RP1: variants seen among roughly 807,000 people sequenced by gnomAD.
RP1 encodes the protein oxygen-regulated protein 1.
A neutral mutation model predicts 14.8 loss-of-function variants in RP1; 16 were observed. The observed-to-expected ratio is 1.08, with a 90% CI of 0.73 to 1.65. The LOEUF is 1.65. Among genes scored for constraint, RP1 ranks in the 40% most tolerant of loss-of-function variants. The pLI is 0.00. For synonymous variants in RP1, 876 were observed against 883.6 expected (o/e 0.99, Z 0.15); for missense variants, 2,631 against 2,535.0 (o/e 1.04, Z -0.81).
chr8:54,828,371 T>C (rs7008534), intron 24 of RP1, among the ~76,000 whole-genome samples: 46,384 of 151,880 alleles, frequency 0.31, 7,263 homozygotes, highest in South Asian at 0.37. Context: ...TGGCTTTGTG[T>C]CGTTCTCTCA....
rs572252234 is a variant in RP1 at position 54,713,314 on chromosome 8, C to T, written c.2211+6659C>T. 2.6e-5 allele frequency among the ~76,000 whole-genome samples: 4 copies of T among 151,858 alleles called. No individual in the cohort carries two copies. In the South Asian group the frequency reaches 6.3e-4, roughly 24 times the overall value. ...TTCAGGTTAGTAACAAACAGCAGGC[C>T]GTTCATAGGGACATTTGTAAGGGTG... On this transcript the variant is annotated intron_variant, in intron 15 of 22. Transcript: ENST00000636932.
chr8:54,612,214 CT>C (rs1805615236), upstream of RP1, among the ~76,000 whole-genome samples: 4 of 152,196 alleles, frequency 2.6e-5, no homozygotes. Flanking sequence ...CAATGCCTAC[CT>C]CTGTATGCAC....
rs60688376 is a variant in RP1 at position 54,717,125 on chromosome 8, C to T, written c.2212-3004C>T. 5.3e-3 allele frequency among the ~76,000 whole-genome samples: 811 copies of T among 152,146 alleles called. 3 individuals carry two copies. The highest frequency in any genetic ancestry group is 0.019 in the African/African-American group (774 of 41,490). On this transcript the variant is annotated intron_variant, in intron 15 of 22. Transcript: ENST00000636932. ...TCATCATTTAAACTCTCAGGTGTCC[C>T]GTCCTCCAGGTTCTAGGAATATTTT...
intron 1 of RP1, among the ~76,000 whole-genome samples, chr8:54,575,945 C>T (rs1804631144): frequency 6.6e-6 from 1 of 152,048 alleles, no homozygotes; most frequent in Non-Finnish European, 1.5e-5. Context: ...GCAGGTGCTA[C>T]TTTCTTAAAC....
intron 1 of RP1, among the ~76,000 whole-genome samples, chr8:54,606,938 C>T (rs13267230): frequency 0.34 from 52,173 of 151,856 alleles, 9,511 homozygotes; most frequent in Middle Eastern, 0.49. Context: ...TCTAGTTATC[C>T]ATTCGTCTAA....
chr8:54,852,297 T>C (rs944432891), intron 25 of RP1, among the ~76,000 whole-genome samples: 1 of 152,200 alleles, frequency 6.6e-6, no homozygotes, highest in African/African-American at 2.4e-5. Flanking sequence ...CATCTTTTCA[T>C]AATAACTGTG....
chr8:54,833,500 A>G (rs1173196226), intron 24 of RP1, among the ~76,000 whole-genome samples: 1 of 151,970 alleles, frequency 6.6e-6, no homozygotes, highest in East Asian at 1.9e-4. Flanking sequence ...ATTGATTACA[A>G]TCCATTTATA....
chr8:54,834,645 A>G (rs1397120105), intron 24 of RP1, among the ~76,000 whole-genome samples: 3 of 151,694 alleles, frequency 2.0e-5, no homozygotes, highest in Admixed American at 6.6e-5. Flanking sequence ...TTCATGTTGT[A>G]TAATATAACA....
intron 12 of RP1, among the ~76,000 whole-genome samples, chr8:54,682,596 A>T (rs1214110512): frequency 6.6e-6 from 1 of 152,072 alleles, no homozygotes; most frequent in Admixed American, 6.6e-5. Flanking sequence ...GTGAGATGGT[A>T]TCTCATTGTG....
Position 54,731,500 on chromosome 8 carries a change from G to A in RP1, c.2522-3045G>A, listed in dbSNP as rs530649727. Among the ~76,000 whole-genome samples the A allele has an allele frequency of 7.9e-5, 12 of 152,212 alleles. No individual in the cohort carries two copies. In the South Asian group the frequency reaches 2.1e-3, roughly 26 times the overall value. On this transcript the variant is annotated intron_variant, in intron 17 of 22. Transcript: ENST00000636932. ...AATTTATAGTCTGAGACTAATGGAC[G>A]TTGGTTATTTCCAAAAGATCATGGT...
intron 12 of RP1, among the ~76,000 whole-genome samples, chr8:54,687,227 T>C (rs888446463): frequency 6.6e-6 from 1 of 152,178 alleles, no homozygotes; most frequent in Admixed American, 6.6e-5. Context: ...ATGAAGATTA[T>C]TAGTTAAGCT....
chr8:54,795,016 A>G (rs759784069), intron 24 of RP1, among the ~76,000 whole-genome samples: 10 of 152,072 alleles, frequency 6.6e-5, no homozygotes, highest in Non-Finnish European at 1.2e-4. Flanking sequence ...TCATCAAGGA[A>G]ATGCAAATTG....
chr8:54,846,245 C>T (rs369718225), intron 25 of RP1, among the ~76,000 whole-genome samples: 6 of 152,204 alleles, frequency 3.9e-5, no homozygotes, highest in South Asian at 2.1e-4. Context: ...ATTTGAGAAA[C>T]AGACACGTGT....
intron 17 of RP1, among the ~76,000 whole-genome samples, chr8:54,728,488 C>A (rs1477172331): frequency 1.3e-5 from 2 of 152,076 alleles, no homozygotes; most frequent in African/African-American, 4.8e-5. Context: ...TATGTTTGTC[C>A]ACCCACTTTT....
chr8:54,853,542 G>A (rs1249746750), intron 26 of RP1, among the ~76,000 whole-genome samples: 1 of 152,148 alleles, frequency 6.6e-6, no homozygotes, highest in East Asian at 1.9e-4. Context: ...CTCCATCTCT[G>A]CCATTGTGGT....
chr8:54,671,670 G>T (rs1807184442), intron 7 of RP1, among the ~76,000 whole-genome samples: 1 of 151,932 alleles, frequency 6.6e-6, no homozygotes, highest in Non-Finnish European at 1.5e-5. Flanking sequence ...TAGAATTTCT[G>T]TTTTGTTCTT....
At chr8:54,698,859 A>C (rs999025542) in intron 12 of RP1, among the ~76,000 whole-genome samples, 2 of 151,998 alleles carry the variant, frequency 1.3e-5, no homozygotes, top group Non-Finnish European at 2.9e-5. Flanking sequence ...GGACATAGGG[A>C]GGGGAACATC....
chr8:54,662,280 T>G (rs1364330630), intron 6 of RP1, among the ~76,000 whole-genome samples: 1 of 152,196 alleles, frequency 6.6e-6, no homozygotes, highest in African/African-American at 2.4e-5. Context: ...CTGGTTAATT[T>G]CAGGTTATAA....
In RP1 at chr8:54,857,092, A is replaced by G. The variant is rs1030990189; in HGVS notation, c.4055A>G (p.Asp1352Gly). The G allele has an allele frequency of 9.0e-6, 11 of 1,220,600 alleles. No homozygotes were observed. In the African/African-American group the frequency reaches 1.1e-4, roughly 12 times the overall value. 75.6% of individuals were successfully genotyped at this position (1,220,600 alleles called of 1,614,324 possible). ...TTGAAGAAAGTTCTGATTAGTCATG[A>G]TGGAACAGGTCCAGGTAAGATTTAG... The change falls in exon 27 of 29, where the codon GAT becomes GGT. Residue 1352 changes from aspartate (D) to glycine (G), a missense_variant. Physicochemically the swap from Asp to Gly is moderately conservative, Grantham distance 94. Transcript: ENST00000637698.
Sources: allele counts gnomAD v4.1 joint callset (sites outside exome capture counted in the v4.1 genomes callset), GRCh38; gene constraint gnomAD v4.1.1; transcripts MANE v1.5; gene names NCBI Gene and HGNC (gene_info 2026-07-23, HGNC 2026-07-21).